OPN5: variants seen among roughly 807,000 people sequenced by gnomAD.
The protein encoded by OPN5 is opsin 5.
A neutral mutation model predicts 41.7 loss-of-function variants in OPN5; 18 were observed. The observed-to-expected ratio is 0.43, with a 90% CI of 0.30 to 0.64. The LOEUF is 0.64. OPN5 is among the 30% of genes least tolerant of loss of function. The probability of loss-of-function intolerance (pLI) is 0.13; values close to 1 mark genes in which losing one functional copy is unlikely to be tolerated. For synonymous variants in OPN5, 178 were observed against 164.3 expected (o/e 1.08, Z -0.64); for missense variants, 318 against 434.5 (o/e 0.73, Z 2.38).
intron 6 of OPN5, among the ~76,000 whole-genome samples, chr6:47,814,997 C>G (rs902157620): frequency 6.6e-6 from 1 of 152,044 alleles, no homozygotes; most frequent in African/African-American, 2.4e-5. Context: ...GATCCCTGGA[C>G]TTTCATTTAA....
intron 6 of OPN5, among the ~76,000 whole-genome samples, chr6:47,814,483 A>G (rs1762371607): frequency 6.6e-6 from 1 of 152,162 alleles, no homozygotes. Flanking sequence ...TAGAGTTAAT[A>G]TCTGTTATCA....
exon 4 of OPN5, chr6:47,795,438 C>A: frequency 6.2e-7 from 1 of 1,614,136 alleles, no homozygotes; most frequent in Non-Finnish European, 8.5e-7. Flanking sequence ...CCTCTTGCTC[C>A]CAACGGCTGT....
At chr6:47,784,244 T>G (rs1343381199) in intron 1 of OPN5, among the ~76,000 whole-genome samples, 1 of 151,518 alleles carries the variant, frequency 6.6e-6, no homozygotes, top group Non-Finnish European at 1.5e-5. Context: ...TTCTTGGACT[T>G]GGCCGTGTGT....
chr6:47,795,774 TCTCTCACACACACACA>T (rs1773542342), intron 4 of OPN5, among the ~76,000 whole-genome samples: 1 of 109,646 alleles, frequency 9.1e-6, no homozygotes, highest in African/African-American at 3.2e-5. Context: ...TCTCTCTCTC[TCTCTCACACACACACA>T]CACACACACA....
exon 4 of OPN5, chr6:47,795,407 C>A (rs764275792): frequency 6.8e-5 from 109 of 1,614,016 alleles, no homozygotes; most frequent in Non-Finnish European, 8.7e-5. Context: ...AGGTTTTCAT[C>A]CTGAACATCC....
intron 4 of OPN5, among the ~76,000 whole-genome samples, chr6:47,803,636 CT>C (rs1469270839): frequency 2.0e-5 from 3 of 152,178 alleles, no homozygotes; most frequent in Non-Finnish European, 4.4e-5. Context: ...CTCTTTGGCC[CT>C]CTTTTTCAAC....
chr6:47,798,358 G>A (rs1440128093), intron 4 of OPN5, among the ~76,000 whole-genome samples: 5 of 151,072 alleles, frequency 3.3e-5, no homozygotes, highest in African/African-American at 1.2e-4. Flanking sequence ...TGCTTTTGAA[G>A]GTCATTATAC....
intron 2 of OPN5, 119 bp downstream of exon 2, chr6:47,786,753 G>A (rs528909147): frequency 8.2e-6 from 7 of 854,018 alleles, no homozygotes; most frequent in South Asian, 6.0e-5. Flanking sequence ...TCCACTCTTC[G>A]CTTCACAAAT....
intron 5 of OPN5, among the ~76,000 whole-genome samples, chr6:47,809,420 C>T (rs1774106591): frequency 6.6e-6 from 1 of 152,120 alleles, no homozygotes; most frequent in Admixed American, 6.5e-5. Flanking sequence ...CTTTAGGTTC[C>T]TCACCACGGG....
intron 1 of OPN5, among the ~76,000 whole-genome samples, chr6:47,785,005 T>A (rs1369932377): frequency 1.3e-5 from 2 of 152,198 alleles, no homozygotes; most frequent in African/African-American, 4.8e-5. Flanking sequence ...AGGTGACTAT[T>A]TTTTGATAAT....
chr6:47,823,857 TCCATCGCAATCC>T, intron 6 of OPN5, 114 bp from the exon 7 acceptor site: 2 of 734,254 alleles, frequency 2.7e-6, no homozygotes, highest in Non-Finnish European at 4.9e-6. Flanking sequence ...AGTGACAATG[TCCATCGCAATCC>T]TGGTTCTTTT....
At chr6:47,783,487 T>C (rs1773128560) in intron 1 of OPN5, among the ~76,000 whole-genome samples, 1 of 152,142 alleles carries the variant, frequency 6.6e-6, no homozygotes. Flanking sequence ...CATTAGAAAA[T>C]ACTTGATATC....
chr6:47,819,324 C>G (rs1762524165), intron 6 of OPN5, among the ~76,000 whole-genome samples: 1 of 43,456 alleles, frequency 2.3e-5, no homozygotes, highest in African/African-American at 7.9e-5. Flanking sequence ...CTAAGTAATT[C>G]TGAAAATTAG....
chr6:47,795,788 A>T (rs1035019236), intron 4 of OPN5, among the ~76,000 whole-genome samples: 71 of 150,826 alleles, frequency 4.7e-4, no homozygotes, highest in African/African-American at 1.6e-3. Flanking sequence ...TCACACACAC[A>T]CACACACACA....
intron 6 of OPN5, among the ~76,000 whole-genome samples, chr6:47,817,883 T>A (rs1292178629): frequency 1.3e-5 from 2 of 152,082 alleles, no homozygotes; most frequent in African/African-American, 4.8e-5. Context: ...GATTATGGCA[T>A]CAGCTATCTT....
intron 2 of OPN5, among the ~76,000 whole-genome samples, chr6:47,788,813 G>GGT (rs1561889897): frequency 1.4e-5 from 2 of 147,038 alleles, no homozygotes; most frequent in Non-Finnish European, 3.0e-5. Context: ...CCTGGGGGGG[G>GGT]GCGGTGGTGG....
rs146776985 is a variant in OPN5, at chr6:47,790,099, G to A, written c.251-1703G>A. On this transcript the variant is annotated intron_variant, in intron 2 of 6. Coordinates refer to ENST00000371211, the Ensembl canonical transcript of OPN5. ...TCACATTTACTGAAATAGCTATACCGTATTTGAATAAGACATAACTTAACA... is the reference window on the plus strand; with the variant it reads ...TCACATTTACTGAAATAGCTATACCATATTTGAATAAGACATAACTTAACA... 3.9e-5 allele frequency among the ~76,000 whole-genome samples: 6 copies of A among 152,068 alleles called. No homozygotes were observed. The East Asian group carries it at 5.8e-4, about 15-fold the overall frequency.
At chr6:47,808,078 C>T (rs1774044339) in intron 4 of OPN5, 76 bp from the exon 5 acceptor site, 1 of 1,446,528 alleles carries the variant, frequency 6.9e-7, no homozygotes, top group East Asian at 2.3e-5. Flanking sequence ...CCTGATCCTT[C>T]TCCATACCCA....
intron 3 of OPN5, among the ~76,000 whole-genome samples, chr6:47,793,929 C>A (rs1462211288): frequency 6.6e-6 from 1 of 151,900 alleles, no homozygotes; most frequent in Non-Finnish European, 1.5e-5. Context: ...TGATTGCCAC[C>A]CCTATCTGGT....
Sources: allele counts gnomAD v4.1 joint callset (sites outside exome capture counted in the v4.1 genomes callset), GRCh38; gene constraint gnomAD v4.1.1; transcripts MANE v1.5; gene names NCBI Gene and HGNC (gene_info 2026-07-23, HGNC 2026-07-21).